Variants in EPHA6 observed in about 807,000 individuals in gnomAD.
EPHA6 encodes the protein ephrin type-A receptor 6.
A neutral mutation model predicts 112.0 loss-of-function variants in EPHA6; 50 were observed. The ratio of observed to expected loss-of-function variants is 0.45; its 90% CI spans 0.36 to 0.56. The LOEUF (loss-of-function observed/expected upper bound fraction) is 0.56. Among genes scored for constraint, EPHA6 ranks in the 20% least tolerant of loss-of-function variants. The probability of loss-of-function intolerance (pLI) is 0.00; values close to 1 mark genes in which losing one functional copy is unlikely to be tolerated. For synonymous variants in EPHA6, 529 were observed against 490.7 expected, an observed-to-expected ratio of 1.08 and a Z score of -1.03; for missense variants, 1,280 against 1,417.4, an observed-to-expected ratio of 0.90 and a Z score of 1.56.
intron 2 of EPHA6, among the ~76,000 whole-genome samples, chr3:96,927,656 C>A (rs186596071): frequency 1.3e-5 from 2 of 152,282 alleles, no homozygotes; most frequent in African/African-American, 4.8e-5. Context: ...GCCTGGACTT[C>A]ATTGTCCATG....
At chr3:97,023,708 A>G (rs1217085445) in intron 3 of EPHA6, among the ~76,000 whole-genome samples, 1 of 151,132 alleles carries the variant, frequency 6.6e-6, no homozygotes, top group African/African-American at 2.4e-5. Context: ...ACTATTTCCT[A>G]TTTATATTCA....
intron 10 of EPHA6, among the ~76,000 whole-genome samples, chr3:97,493,992 G>C (rs1480113693): frequency 6.6e-6 from 1 of 152,102 alleles, no homozygotes; most frequent in Non-Finnish European, 1.5e-5. Flanking sequence ...CTATAAGAAA[G>C]ATTTCAAAAA....
At chr3:96,822,838 G>A (rs62262904) in intron 1 of EPHA6, among the ~76,000 whole-genome samples, 40,435 of 150,758 alleles carry the variant, frequency 0.27, 9,420 homozygotes, top group African/African-American at 0.61. Flanking sequence ...ACATTCTTAG[G>A]TAGTGTATAG....
intron 1 of EPHA6, among the ~76,000 whole-genome samples, chr3:96,859,639 A>G (rs2035897436): frequency 6.6e-6 from 1 of 152,034 alleles, no homozygotes; most frequent in African/African-American, 2.4e-5. Context: ...CTCCCACTCT[A>G]TGTAAAACAA....
chr3:97,001,034 A>G (rs2043642055), intron 3 of EPHA6, among the ~76,000 whole-genome samples: 5 of 148,856 alleles, frequency 3.4e-5, no homozygotes, highest in African/African-American at 1.0e-4. Flanking sequence ...ATATATATGC[A>G]TGTGTGTTCG....
chr3:97,398,257 A>G (rs1235392279), intron 5 of EPHA6, among the ~76,000 whole-genome samples: 18 of 151,486 alleles, frequency 1.2e-4, no homozygotes, highest in Admixed American at 1.2e-3. Flanking sequence ...AAAATTAACC[A>G]TAAGATTGTA....
intron 15 of EPHA6, among the ~76,000 whole-genome samples, chr3:97,731,535 A>G (rs369214333): frequency 1.3e-5 from 2 of 152,036 alleles, no homozygotes; most frequent in African/African-American, 4.8e-5. Context: ...TTTCTCTACC[A>G]TTACTGTGAT....
intron 5 of EPHA6, among the ~76,000 whole-genome samples, chr3:97,262,579 G>C (rs1412048393): frequency 6.6e-6 from 1 of 152,124 alleles, no homozygotes; most frequent in African/African-American, 2.4e-5. Flanking sequence ...AAACACTCCA[G>C]ACACATTTCT....
At position 96,929,585 on chromosome 3, in the gene EPHA6, A is replaced by G. The variant is rs561801631; in HGVS notation, c.451-57745A>G. 2.0e-5 allele frequency among the ~76,000 whole-genome samples: 3 copies of G among 152,262 alleles called. No homozygotes were observed. In the East Asian group the frequency reaches 5.8e-4, roughly 29 times the overall value. On this transcript the variant is annotated intron_variant, in intron 2 of 17. Transcript: ENST00000389672. Reference sequence around the variant, plus strand: ...CTTCTGGCTTGTAGAGTTTCTCCTGAGAGGTCTGCCGTTCGTCTGTTGGGC... The same window carrying G: ...CTTCTGGCTTGTAGAGTTTCTCCTGGGAGGTCTGCCGTTCGTCTGTTGGGC...
At chr3:97,640,862 G>C (rs767692038) in intron 14 of EPHA6, among the ~76,000 whole-genome samples, 6 of 152,146 alleles carry the variant, frequency 3.9e-5, no homozygotes, top group Non-Finnish European at 7.4e-5. Flanking sequence ...GTAGCAGACA[G>C]ACCAGTTAGG....
chr3:97,123,702 A>G (rs2048106072), intron 3 of EPHA6, among the ~76,000 whole-genome samples: 1 of 152,166 alleles, frequency 6.6e-6, no homozygotes, highest in Non-Finnish European at 1.5e-5. Context: ...AAACAATCGT[A>G]CTGAAATCAG....
chr3:97,266,612 G>A (rs1437519839), intron 5 of EPHA6, among the ~76,000 whole-genome samples: 1 of 152,110 alleles, frequency 6.6e-6, no homozygotes, highest in African/African-American at 2.4e-5. Flanking sequence ...CAATACAAAA[G>A]AATTGTCTTG....
intron 12 of EPHA6, among the ~76,000 whole-genome samples, chr3:97,597,012 T>A (rs1049832776): frequency 2.0e-5 from 3 of 150,582 alleles, no homozygotes; most frequent in Non-Finnish European, 4.4e-5. Flanking sequence ...CAAACTCAAA[T>A]ATATCTTAAA....
At chr3:97,665,658 C>T (rs960935109) in intron 14 of EPHA6, among the ~76,000 whole-genome samples, 11 of 152,330 alleles carry the variant, frequency 7.2e-5, no homozygotes, top group South Asian at 2.1e-4. Context: ...ACTTCTCCCA[C>T]GGACCTCACT....
intron 5 of EPHA6, among the ~76,000 whole-genome samples, chr3:97,369,452 T>C (rs1281861828): frequency 2.0e-5 from 3 of 152,132 alleles, no homozygotes; most frequent in Non-Finnish European, 4.4e-5. Context: ...ATGGCTTGAA[T>C]ATGTAGGGTT....
chr3:97,038,656 C>A (rs763624407), intron 3 of EPHA6, among the ~76,000 whole-genome samples: 1 of 152,010 alleles, frequency 6.6e-6, no homozygotes, highest in Non-Finnish European at 1.5e-5. Flanking sequence ...TCTGGCTGTC[C>A]TCGGGAATAT....
chr3:97,637,993 C>G lies in EPHA6; in HGVS notation c.2695C>G (p.Leu899Val). The change falls in exon 14 of 18, where the codon CTG becomes GTG. Residue 899 changes from leucine (L) to valine (V), a missense_variant. Transcript: ENST00000389672. ...TCGAGACCTAGCGGCTCGGAATATA[C>G]TGGTCAATAGCAACTTAGTATGCAA... ...VHRDLAARNI[L>V]VNSNLVCKVS... The G allele has an allele frequency of 6.2e-7, 1 of 1,613,892 alleles. No individual in the cohort carries two copies. Among genetic ancestry groups the G allele is most frequent in the Non-Finnish European group, 8.5e-7 (1 of 1,179,844 alleles).
chr3:96,896,843 A>G (rs2038297268), intron 2 of EPHA6, among the ~76,000 whole-genome samples: 1 of 152,270 alleles, frequency 6.6e-6, no homozygotes, highest in African/African-American at 2.4e-5. Flanking sequence ...TTTTTCATTT[A>G]TCCATTCAAG....
intron 11 of EPHA6, among the ~76,000 whole-genome samples, chr3:97,586,844 T>C (rs1436513541): frequency 6.6e-6 from 1 of 152,204 alleles, no homozygotes; most frequent in Non-Finnish European, 1.5e-5. Context: ...ATCTTTGCGC[T>C]TTGAAGTTAT....
Sources: allele counts gnomAD v4.1 joint callset (sites outside exome capture counted in the v4.1 genomes callset), GRCh38; gene constraint gnomAD v4.1.1; transcripts MANE v1.5; gene names NCBI Gene and HGNC (gene_info 2026-07-23, HGNC 2026-07-21).